The following KANSL1 variants were observed in gnomAD, a reference collection of about 807,000 sequenced individuals.
The protein encoded by KANSL1 is MLL1/MLL complex subunit KANSL1.
KANSL1 carries 22 observed loss-of-function variants against 103.6 expected under a neutral mutation model. The observed-to-expected ratio is 0.21, with a 90% confidence interval of 0.15 to 0.30. The LOEUF (loss-of-function observed/expected upper bound fraction) is 0.30, where lower values mean the gene tolerates loss of function less well. Among genes scored for constraint, KANSL1 ranks in the 10% least tolerant of loss-of-function variants. KANSL1 has a pLI of 1.00. For missense variants in KANSL1, 1,337 were observed against 1,399.8 expected (o/e 0.96, Z 0.72); for synonymous variants, 600 against 527.6 (o/e 1.14, Z -1.88).
chr17:46,167,467 T>G (rs2046063139), intron 2 of KANSL1, among the ~76,000 whole-genome samples: 1 of 152,240 alleles, frequency 6.6e-6, no homozygotes, highest in Non-Finnish European at 1.5e-5. Flanking sequence ...AGATAAAATT[T>G]AAATTCCTGT....
intron 2 of KANSL1, among the ~76,000 whole-genome samples, chr17:46,145,595 T>C (rs1261870577): frequency 6.6e-6 from 1 of 152,254 alleles, no homozygotes; most frequent in Non-Finnish European, 1.5e-5. Flanking sequence ...AAGATCATGT[T>C]TGAAACCAAA....
chr17:46,179,077 GC>G (rs1417042831), intron 1 of KANSL1, among the ~76,000 whole-genome samples: 19 of 152,168 alleles, frequency 1.2e-4, no homozygotes, highest in Non-Finnish European at 1.3e-4. Context: ...AGCATGTTTA[GC>G]AACATCTCTG....
intron 14 of KANSL1, 30 bp downstream of exon 14, chr17:46,032,017 C>T (rs376138960): frequency 6.2e-7 from 1 of 1,613,106 alleles, no homozygotes; most frequent in Non-Finnish European, 8.5e-7. Context: ...CCCAACCATG[C>T]CAACCCCACC....
chr17:46,210,972 A>G (rs2048150428), intron 1 of KANSL1, among the ~76,000 whole-genome samples: 1 of 152,186 alleles, frequency 6.6e-6, no homozygotes, highest in South Asian at 2.1e-4. Context: ...GCTTCAACTC[A>G]AGCTTTCTAA....
intron 7 of KANSL1, chr17:46,041,157 G>C (rs2077300236): frequency 6.6e-6 from 1 of 152,150 alleles, no homozygotes; most frequent in African/African-American, 2.4e-5. Flanking sequence ...TAATGACCTT[G>C]TAGCCTGTGA....
intron 1 of KANSL1, among the ~76,000 whole-genome samples, chr17:46,188,711 C>G (rs544819697): frequency 6.6e-6 from 1 of 152,100 alleles, no homozygotes; most frequent in East Asian, 1.9e-4. Context: ...AAGAGTACAA[C>G]GAAAGCTGCT....
intron 1 of KANSL1, among the ~76,000 whole-genome samples, chr17:46,191,804 A>G (rs1333894749): frequency 6.6e-6 from 1 of 152,236 alleles, no homozygotes; most frequent in Non-Finnish European, 1.5e-5. Context: ...GGAGATGGCA[A>G]CACCAGGATT....
intron 2 of KANSL1, among the ~76,000 whole-genome samples, chr17:46,155,693 A>G (rs1475770607): frequency 6.6e-6 from 1 of 152,160 alleles, no homozygotes; most frequent in African/African-American, 2.4e-5. Context: ...AAAAACATTC[A>G]TTTTTGGAAA....
intron 2 of KANSL1, among the ~76,000 whole-genome samples, chr17:46,105,246 T>C (rs1042096186): frequency 1.1e-4 from 17 of 152,272 alleles, no homozygotes; most frequent in African/African-American, 3.6e-4. Context: ...ATTTTCTGTC[T>C]ACTTTTCTTC....
intron 2 of KANSL1, among the ~76,000 whole-genome samples, chr17:46,134,388 A>G (rs1160223013): frequency 2.0e-5 from 3 of 151,128 alleles, no homozygotes; most frequent in Non-Finnish European, 4.4e-5. Flanking sequence ...CAAGAACAAA[A>G]CTCCATCTCA....
At chr17:46,115,252 A>AT (rs1346923738) in intron 2 of KANSL1, among the ~76,000 whole-genome samples, 1 of 151,900 alleles carries the variant, frequency 6.6e-6, no homozygotes, top group Admixed American at 6.6e-5. Context: ...TAGAGATGGG[A>AT]TTTTGCCATG....
At chr17:46,174,558 A>G (rs1479656665) in intron 1 of KANSL1, among the ~76,000 whole-genome samples, 2 of 152,248 alleles carry the variant, frequency 1.3e-5, no homozygotes, top group Non-Finnish European at 2.9e-5. Context: ...TTTTGATTGC[A>G]TATAATGTAA....
intron 2 of KANSL1, 21 bp downstream of exon 2, chr17:46,170,834 T>C: frequency 6.4e-7 from 1 of 1,556,442 alleles, no homozygotes. Flanking sequence ...AAGAATGCTA[T>C]CATGCATGAG....
intron 4 of KANSL1, among the ~76,000 whole-genome samples, chr17:46,077,627 G>A (rs555029369): frequency 1.1e-4 from 16 of 152,028 alleles, no homozygotes; most frequent in South Asian, 4.2e-4. Flanking sequence ...CCATGATCTC[G>A]GCTCACTGCA....
chr17:46,078,609 C>A (rs1397364501), intron 4 of KANSL1, among the ~76,000 whole-genome samples: 5 of 152,230 alleles, frequency 3.3e-5, no homozygotes, highest in Admixed American at 3.3e-4. Context: ...AGCTCTGGGG[C>A]ACATGGACTG....
intron 6 of KANSL1, among the ~76,000 whole-genome samples, chr17:46,052,577 C>T (rs916072696): frequency 8.6e-5 from 13 of 151,796 alleles, no homozygotes; most frequent in African/African-American, 2.9e-4. Flanking sequence ...TGCACTCCAG[C>T]CTGGGCGACA....
chr17:46,036,230 T>C (rs1202426636), intron 10 of KANSL1, among the ~76,000 whole-genome samples: 1 of 152,188 alleles, frequency 6.6e-6, no homozygotes, highest in African/African-American at 2.4e-5. Context: ...TAGAAGTGTC[T>C]GGTTGGTTGG....
At chr17:46,163,270 T>C (rs1480815610) in intron 2 of KANSL1, among the ~76,000 whole-genome samples, 1 of 152,256 alleles carries the variant, frequency 6.6e-6, no homozygotes, top group East Asian at 1.9e-4. Context: ...AATGAATTAA[T>C]CAAATCCAAA....
At chr17:46,105,929 ACACACACACACACACACACCCC>A (rs2042531574) in intron 2 of KANSL1, among the ~76,000 whole-genome samples, 2 of 106,074 alleles carry the variant, frequency 1.9e-5, no homozygotes, top group Non-Finnish European at 4.1e-5. Context: ...ACACACACAC[ACACACACACACACACACACCCC>A]CCCAGAAGGG....
Sources: allele counts gnomAD v4.1 joint callset (sites outside exome capture counted in the v4.1 genomes callset), GRCh38; gene constraint gnomAD v4.1.1; transcripts MANE v1.5; gene names NCBI Gene and HGNC (gene_info 2026-07-23, HGNC 2026-07-21).